The following RMST variants were observed in gnomAD, a reference collection of about 807,000 sequenced individuals.
The protein encoded by RMST is long intergenic non-protein coding RNA 54.
intron 9 of RMST, chr12:97,495,817 G>A (rs1464610435): frequency 6.6e-6 from 1 of 152,136 alleles, no homozygotes; most frequent in Non-Finnish European, 1.5e-5. Context: ...ACTTTGGGGA[G>A]CACAGTGTCT....
At chr12:97,478,455 T>G (rs1347409635) in intron 5 of RMST, among the ~76,000 whole-genome samples, 1 of 152,198 alleles carries the variant, frequency 6.6e-6, no homozygotes, top group Non-Finnish European at 1.5e-5. Context: ...GAAAAAGGAC[T>G]TGTTTAAGGT....
At chr12:97,480,776 T>C (rs1875183970) in intron 5 of RMST, among the ~76,000 whole-genome samples, 1 of 152,180 alleles carries the variant, frequency 6.6e-6, no homozygotes, top group Admixed American at 6.5e-5. Context: ...GCACATACTG[T>C]CTACTTTGCC....
intron 11 of RMST, among the ~76,000 whole-genome samples, chr12:97,536,973 G>GGA (rs1188805020): frequency 6.6e-6 from 1 of 150,962 alleles, no homozygotes; most frequent in Admixed American, 6.6e-5. Context: ...GTTTATGTTT[G>GGA]GAGAGAGAGA....
intron 10 of RMST, among the ~76,000 whole-genome samples, chr12:97,500,329 C>G (rs1185147519): frequency 6.6e-6 from 1 of 152,084 alleles, no homozygotes; most frequent in Non-Finnish European, 1.5e-5. Flanking sequence ...CATATACTGA[C>G]TGAATCAGTC....
chr12:97,547,311 A>G (rs150156939), intron 11 of RMST, among the ~76,000 whole-genome samples: 53 of 152,034 alleles, frequency 3.5e-4, no homozygotes, highest in African/African-American at 1.2e-3. Flanking sequence ...CTGATTCTTC[A>G]TCTTGGCTGT....
intron 13 of RMST, chr12:97,563,995 C>T (rs936563666): frequency 1.5e-5 from 6 of 400,598 alleles, no homozygotes; most frequent in African/African-American, 1.3e-4. Flanking sequence ...GTGTATAGCT[C>T]TGCTACCTGC....
At chr12:97,521,604 A>G (rs934399362) in intron 10 of RMST, among the ~76,000 whole-genome samples, 1 of 152,180 alleles carries the variant, frequency 6.6e-6, no homozygotes, top group Non-Finnish European at 1.5e-5. Context: ...CTTTCATTCA[A>G]AAGTATCTCT....
chr12:97,561,627 G>C (rs1392062468), intron 13 of RMST, among the ~76,000 whole-genome samples: 2 of 127,074 alleles, frequency 1.6e-5, no homozygotes, highest in African/African-American at 5.7e-5. Flanking sequence ...TTAGTTTGAA[G>C]GCTTTTTTTT....
intron 11 of RMST, among the ~76,000 whole-genome samples, chr12:97,540,954 A>ATAGATT (rs1882456187): frequency 9.8e-6 from 1 of 101,814 alleles, no homozygotes; most frequent in Non-Finnish European, 1.8e-5. Context: ...AGATATAGAT[A>ATAGATT]TAGATATAGA....
chr12:97,490,159 G>A (rs1247346795), intron 5 of RMST, among the ~76,000 whole-genome samples: 1 of 152,200 alleles, frequency 6.6e-6, no homozygotes, highest in African/African-American at 2.4e-5. Context: ...AGAAGAATGA[G>A]CCTGGCGGAC....
intron 11 of RMST, among the ~76,000 whole-genome samples, chr12:97,556,403 G>A (rs1355409062): frequency 6.6e-6 from 1 of 152,200 alleles, no homozygotes; most frequent in Non-Finnish European, 1.5e-5. Flanking sequence ...CCTCTTCACC[G>A]TGTTCCCTGA....
intron 11 of RMST, among the ~76,000 whole-genome samples, chr12:97,558,030 C>A (rs1266042555): frequency 6.6e-6 from 1 of 152,104 alleles, no homozygotes; most frequent in Non-Finnish European, 1.5e-5. Context: ...TCGTTGCAAT[C>A]GTTGGTGTTT....
At chr12:97,559,468 C>T (rs1883957730) in intron 11 of RMST, among the ~76,000 whole-genome samples, 1 of 152,120 alleles carries the variant, frequency 6.6e-6, no homozygotes, top group South Asian at 2.1e-4. Flanking sequence ...TAATTGGAAC[C>T]CCACTGATAT....
chr12:97,479,186 C>T (rs1242254159), intron 5 of RMST, among the ~76,000 whole-genome samples: 1 of 134,888 alleles, frequency 7.4e-6, no homozygotes, highest in Non-Finnish European at 1.5e-5. Context: ...CTTGCCCAGC[C>T]TGGAGTGCAG....
chr12:97,512,046 C>T (rs1204344159), intron 10 of RMST, among the ~76,000 whole-genome samples: 1 of 152,150 alleles, frequency 6.6e-6, no homozygotes, highest in East Asian at 1.9e-4. Context: ...GAGTTTGTTC[C>T]TTCTGATGTT....
intron 10 of RMST, among the ~76,000 whole-genome samples, chr12:97,518,389 T>C (rs1880154924): frequency 6.6e-6 from 1 of 152,200 alleles, no homozygotes. Flanking sequence ...TTCTTCCTGC[T>C]CTCTCAACCC....
At chr12:97,534,607 A>C (rs1881919645) in intron 11 of RMST, among the ~76,000 whole-genome samples, 1 of 151,758 alleles carries the variant, frequency 6.6e-6, no homozygotes, top group South Asian at 2.1e-4. Context: ...AAGGAAAATA[A>C]GATTATACTT....
chr12:97,481,648 C>T (rs889307821), intron 5 of RMST, among the ~76,000 whole-genome samples: 5 of 152,096 alleles, frequency 3.3e-5, no homozygotes, highest in African/African-American at 1.2e-4. Context: ...GCCAAACAAG[C>T]CTGGCCGGTG....
chr12:97,562,520 G>T (rs1477619360), intron 13 of RMST, among the ~76,000 whole-genome samples: 1 of 152,122 alleles, frequency 6.6e-6, no homozygotes, highest in Non-Finnish European at 1.5e-5. Context: ...TAGAGGTGGA[G>T]TCTGGGAGGT....
Sources: gnomAD v4.1 joint callset for allele counts (sites outside exome capture counted in the v4.1 genomes callset) on GRCh38, gnomAD v4.1.1 for gene constraint, MANE v1.5 for transcripts, NCBI Gene and HGNC (gene_info 2026-07-23, HGNC 2026-07-21) for gene names.